The following RASGEF1A variants were observed in gnomAD, a reference collection of about 807,000 sequenced individuals.
The protein encoded by RASGEF1A is RasGEF domain family member 1A.
RASGEF1A carries 18 observed loss-of-function variants against 56.4 expected under a neutral mutation model. The ratio of observed to expected loss-of-function variants is 0.32; its 90% CI spans 0.22 to 0.47. The LOEUF (loss-of-function observed/expected upper bound fraction) is 0.47, where lower values mean the gene tolerates loss of function less well. Among genes scored for constraint, RASGEF1A ranks in the 20% least tolerant of loss-of-function variants. The probability of loss-of-function intolerance (pLI) is 1.00; values close to 1 mark genes in which losing one functional copy is unlikely to be tolerated. For synonymous variants in RASGEF1A, 245 were observed against 242.6 expected (o/e 1.01, Z -0.09); for missense variants, 422 against 627.1 (o/e 0.67, Z 3.49).
intron 1 of RASGEF1A, among the ~76,000 whole-genome samples, chr10:43,255,532 T>C (rs893233012): frequency 2.6e-5 from 4 of 152,326 alleles, no homozygotes; most frequent in African/African-American, 9.6e-5. Context: ...GCCCAGAGCC[T>C]GCACCTGGAG....
At chr10:43,206,516 G>C (rs1414249802) in intron 1 of RASGEF1A, among the ~76,000 whole-genome samples, 1 of 152,224 alleles carries the variant, frequency 6.6e-6, no homozygotes, top group Admixed American at 6.5e-5. Flanking sequence ...GGATAAGAAA[G>C]GAACACCCTA....
At chr10:43,245,766 A>G (rs1840561061) in intron 1 of RASGEF1A, among the ~76,000 whole-genome samples, 1 of 152,218 alleles carries the variant, frequency 6.6e-6, no homozygotes, top group Non-Finnish European at 1.5e-5. Flanking sequence ...GAACTTCATC[A>G]ATCCAATAAA....
At chr10:43,207,769 G>A (rs1840017089) in intron 1 of RASGEF1A, 1 of 930,464 alleles carries the variant, frequency 1.1e-6, no homozygotes, top group Non-Finnish European at 1.3e-6. Flanking sequence ...AAACTCTGGG[G>A]TGGACTGCTT....
At chr10:43,206,541 T>G in intron 1 of RASGEF1A, 2 of 999,330 alleles carry the variant, frequency 2.0e-6, no homozygotes, top group South Asian at 3.9e-5. Flanking sequence ...TGAGGTACAG[T>G]GAGTGCCAAG....
Position 43,203,392 on chromosome 10 carries a change from C to G in RASGEF1A, c.227G>C (p.Ser76Thr). The stretch of plus-strand genomic sequence containing the variant: ...ATGAGGGGGCATAAAGACCCGGGAG[C>G]TCAGGAGAAAGGTGAAGATGTACGT... ...DRTYIFTFLLSSRVFMPPHDL... is the reference protein window; with the variant it reads ...DRTYIFTFLLTSRVFMPPHDL... The change falls in exon 3 of 13, where the codon AGC (serine) becomes ACC (threonine). Residue 76 changes from serine (S) to threonine (T), a missense_variant. This residue lies in a region of RASGEF1A where 273 missense variants were observed against 339.9 expected (regional missense o/e 0.80). Transcript: ENST00000395810. 1 of 1,585,100 alleles carries G rather than the reference C, an allele frequency of 6.3e-7. No homozygotes were observed. The highest frequency in any genetic ancestry group is 8.6e-7 in the Non-Finnish European group (1 of 1,165,588).
Position 43,203,825 on chromosome 10 carries a change from G to C in RASGEF1A, c.199-405C>G, listed in dbSNP as rs1330584723. ...GGGCCGAGCTGGAGGTCAGCGGTGGGGAGGGTGGGGGATGCAGGGAGGTTG... is the reference window on the plus strand; with the variant it reads ...GGGCCGAGCTGGAGGTCAGCGGTGGCGAGGGTGGGGGATGCAGGGAGGTTG... On this transcript the variant is annotated intron_variant, in intron 2 of 12. Coordinates refer to ENST00000395810, the MANE Select transcript of RASGEF1A (RefSeq NM_145313.4). 10 of 1,012,828 alleles carry C rather than the reference G, an allele frequency of 9.9e-6. No individual in the cohort carries two copies. The Admixed American group carries it at 3.1e-4, about 32-fold the overall frequency. The allele number at this position is 1,012,828 out of a possible 1,614,324, so 62.7% of individuals were successfully genotyped here.
At chr10:43,254,004 C>G (rs1340205926) in intron 1 of RASGEF1A, among the ~76,000 whole-genome samples, 1 of 152,172 alleles carries the variant, frequency 6.6e-6, no homozygotes, top group Non-Finnish European at 1.5e-5. Flanking sequence ...TGGGGCAGGC[C>G]TGCCTCCCCA....
At chr10:43,262,052 C>T (rs1422285232) in intron 1 of RASGEF1A, among the ~76,000 whole-genome samples, 2 of 152,110 alleles carry the variant, frequency 1.3e-5, no homozygotes, top group South Asian at 2.1e-4. Flanking sequence ...AGGACACACC[C>T]GGATGCACTC....
chr10:43,250,219 T>TGGGAGCCAGCTGCCC (rs1214371707), intron 1 of RASGEF1A, among the ~76,000 whole-genome samples: 2 of 152,172 alleles, frequency 1.3e-5, no homozygotes, highest in African/African-American at 4.8e-5. Context: ...GAGCGCTGCC[T>TGGGAGCCAGCTGCCC]GGGAGCCAGC....
Position 43,205,938 on chromosome 10 carries a change from G to C in RASGEF1A, c.179C>G (p.Thr60Arg), listed in dbSNP as rs756884884. The C allele has an allele frequency of 6.2e-7, 1 of 1,612,988 alleles. No individual in the cohort carries two copies. The change falls in exon 2 of 13, where the codon ACG becomes AGG. Residue 60 changes from threonine (T) to arginine (R), a missense_variant. This residue lies in a region of RASGEF1A where 273 missense variants were observed against 339.9 expected (regional missense o/e 0.80). Coordinates refer to ENST00000395810, the MANE Select transcript of RASGEF1A (RefSeq NM_145313.4). ...ACTCACATCGGGGTAATAGTCCACC[G>C]TGGGAACAAGGTGCTCCATCAGGGC... Reference protein sequence around the residue: ...LEALMEHLVPTVDYYPDRTYI... With the variant: ...LEALMEHLVPRVDYYPDRTYI...
chr10:43,231,037 C>T (rs1185925218), intron 1 of RASGEF1A, among the ~76,000 whole-genome samples: 1 of 152,268 alleles, frequency 6.6e-6, no homozygotes, highest in Non-Finnish European at 1.5e-5. Flanking sequence ...AGAGCATGCA[C>T]TATACATTAC....
At chr10:43,203,735 G>T in intron 2 of RASGEF1A, 1 of 1,106,022 alleles carries the variant, frequency 9.0e-7, no homozygotes, top group Non-Finnish European at 1.1e-6. Context: ...AGCCTGGGAC[G>T]TTGGTAGGGC....
Position 43,195,448 on chromosome 10 carries a change from T to TC in RASGEF1A, c.*795dup, listed in dbSNP as rs1839782510. 1 of 152,202 alleles carries TC rather than the reference T, an allele frequency of 6.6e-6. No homozygotes were observed. Among genetic ancestry groups the TC allele is most frequent in the African/African-American group, 2.4e-5 (1 of 41,432 alleles). 9.4% of individuals were successfully genotyped at this position (152,202 alleles called of 1,614,324 possible). On this transcript the variant is annotated 3_prime_UTR_variant, in exon 13 of 13. Coordinates refer to ENST00000395810, the MANE Select transcript of RASGEF1A (RefSeq NM_145313.4). The surrounding 1 kb of genome is among the most constrained non-coding windows in gnomAD (Gnocchi z 4.2). ...GGAGTCGGCCATGTATTTTTCTTCA[T>TC]CACAGCTCAGTGTGTCTTTCAGTCA...
At chr10:43,241,327 A>G (rs1303818985) in intron 1 of RASGEF1A, among the ~76,000 whole-genome samples, 4 of 152,218 alleles carry the variant, frequency 2.6e-5, no homozygotes, top group African/African-American at 4.8e-5. Context: ...AACAATAATT[A>G]TAAGTATAGA....
At position 43,266,566 on chromosome 10, in the gene RASGEF1A, C is replaced by A. The variant is rs1375938104; in HGVS notation, c.-7+279G>T. ...ACGCCCGGCCCGGCCCGGCCCGGCC[C>A]GCCAGGTGCCCTGAAGGGGCGGAGG... On this transcript the variant is annotated intron_variant, in intron 1 of 12. Coordinates refer to ENST00000395810, the MANE Select transcript of RASGEF1A (RefSeq NM_145313.4). Among the ~76,000 whole-genome samples, 7 of 150,738 alleles carry A rather than the reference C, an allele frequency of 4.6e-5. No individual in the cohort carries two copies. In the East Asian group the frequency reaches 1.4e-3, roughly 30 times the overall value.
chr10:43,218,571 G>A (rs1840166513), intron 1 of RASGEF1A, among the ~76,000 whole-genome samples: 1 of 152,128 alleles, frequency 6.6e-6, no homozygotes, highest in Non-Finnish European at 1.5e-5. Flanking sequence ...ACTCCCTGCA[G>A]CCCCTGCCTC....
chr10:43,200,717 C>G lies in RASGEF1A; in HGVS notation c.631G>C (p.Val211Leu). 6.2e-7 allele frequency: 1 copy of G among 1,613,574 alleles called. No individual in the cohort carries two copies. Among genetic ancestry groups the G allele is most frequent in the Non-Finnish European group, 8.5e-7 (1 of 1,180,004 alleles). Residue 211 changes from valine (V) to leucine (L), a missense_variant, in exon 5 of 13, where the codon GTG becomes CTG. Val to Leu is a conservative substitution (Grantham distance 32, BLOSUM62 1). Around this residue, in one of 2 missense-constraint regions of RASGEF1A, gnomAD observed 273 missense variants for 339.9 expected, o/e 0.80. Coordinates refer to ENST00000395810, the MANE Select transcript of RASGEF1A (RefSeq NM_145313.4). Reference sequence around the variant, plus strand: ...GCCAGCACCAGGGGGTCGCAGCACACGCCCAGGATGTCCTTCTGGGCGGCT... The same window carrying G: ...GCCAGCACCAGGGGGTCGCAGCACAGGCCCAGGATGTCCTTCTGGGCGGCT... Reference protein sequence around the residue: ...PPAAQKDILGVCCDPLVLAQQ... With the variant: ...PPAAQKDILGLCCDPLVLAQQ...
At chr10:43,209,198 A>G in intron 1 of RASGEF1A, 1 of 985,454 alleles carries the variant, frequency 1.0e-6, no homozygotes, top group Non-Finnish European at 1.2e-6. Context: ...ACCGATGGCC[A>G]GGGTGCTGAA....
At chr10:43,247,680 C>A (rs530961347) in intron 1 of RASGEF1A, among the ~76,000 whole-genome samples, 21 of 152,276 alleles carry the variant, frequency 1.4e-4, no homozygotes, top group African/African-American at 4.8e-4. Flanking sequence ...ATTCAAATAT[C>A]CAGAATAGGC....
Sources: gnomAD v4.1 joint callset for allele counts (sites outside exome capture counted in the v4.1 genomes callset) on GRCh38, gnomAD v4.1.1 for gene constraint, gnomAD v4.1.1 regional missense constraint, Gnocchi (gnomAD v3.1) non-coding constraint, MANE v1.5 for transcripts, NCBI Gene and HGNC (gene_info 2026-07-23, HGNC 2026-07-21) for gene names.